Variants in AP3B2 observed in about 807,000 individuals in gnomAD.
AP3B2 encodes adaptor related protein complex 3 subunit beta 2.
In AP3B2, 50 loss-of-function variants were observed where a neutral mutation model predicts 126.9. That is an observed-to-expected ratio of 0.39 (90% CI 0.31 to 0.50). AP3B2 has a LOEUF of 0.50. Ranked by LOEUF, AP3B2 falls within the 20% of genes least tolerant of loss-of-function variation. The pLI, the probability that AP3B2 is intolerant of heterozygous loss-of-function variation, is 0.79. For missense variants in AP3B2, 1,177 were observed against 1,426.4 expected, an observed-to-expected ratio of 0.83 and a Z score of 2.82; for synonymous variants, 541 against 565.0, an observed-to-expected ratio of 0.96 and a Z score of 0.60.
In AP3B2 at chr15:82,664,786, C is replaced by T. The variant is rs1460811744; in HGVS notation, c.2137+49G>A. 2 of 1,402,702 alleles carry T rather than the reference C, an allele frequency of 1.4e-6. No individual in the cohort carries two copies. The highest frequency in any genetic ancestry group is 2.0e-6 in the Non-Finnish European group (2 of 1,012,308). 86.9% of individuals were successfully genotyped at this position (1,402,702 alleles called of 1,614,324 possible). ...TATACCCCTCATATAGTCAGTCACACAGATGCATGGGCAGAGCACAGAGGA... is the reference window on the plus strand; with the variant it reads ...TATACCCCTCATATAGTCAGTCACATAGATGCATGGGCAGAGCACAGAGGA... On this transcript the variant is annotated intron_variant, in intron 18 of 26. Transcript: ENST00000535359. This position sits in a 1 kb window ranked among gnomAD's most constrained non-coding sequence, Gnocchi z 4.5.
chr15:82,697,721 T>A (rs1375564313), intron 1 of AP3B2: 1 of 152,392 alleles, frequency 6.6e-6, no homozygotes, highest in East Asian at 1.9e-4. Context: ...CTATCTGTCA[T>A]GTGAGGACAG....
intron 4 of AP3B2, among the ~76,000 whole-genome samples, chr15:82,683,047 G>GTGTTTTTTTTT (rs2048368298): frequency 1.3e-5 from 1 of 77,716 alleles, no homozygotes; most frequent in African/African-American, 4.5e-5. Context: ...TGCACCAGGA[G>GTGTTTTTTTTT]TTTTTTTTTT....
At chr15:82,706,863 A>T (rs1468827479) in intron 1 of AP3B2, among the ~76,000 whole-genome samples, 2 of 150,542 alleles carry the variant, frequency 1.3e-5, no homozygotes, top group African/African-American at 2.4e-5. Context: ...CTATTCTACT[A>T]CTCCTCAGGG....
intron 14 of AP3B2, among the ~76,000 whole-genome samples, chr15:82,674,366 T>G (rs1376927581): frequency 2.0e-5 from 3 of 152,080 alleles, no homozygotes; most frequent in Admixed American, 1.3e-4. Context: ...AGGACAAAAA[T>G]CTTTATTGAA....
intron 1 of AP3B2, among the ~76,000 whole-genome samples, chr15:82,696,791 G>T (rs2151457200): frequency 6.6e-6 from 1 of 152,272 alleles, no homozygotes; most frequent in Non-Finnish European, 1.5e-5. Flanking sequence ...ATACTCAGAG[G>T]ATGCAGAACT....
At position 82,663,907 on chromosome 15, in the gene AP3B2, G is replaced by A. The variant is rs777224084; in HGVS notation, c.2330C>T (p.Ser777Leu). The A allele has an allele frequency of 7.4e-6, 12 of 1,612,862 alleles. No individual in the cohort carries two copies. Among genetic ancestry groups the A allele is most frequent in the Admixed American group, 1.7e-5 (1 of 59,986 alleles). ...GGAATCGCTGCCCTCATCAGAGGAT[G>A]ACGCTTCTCCTTTTCTCTCTGGCAC... is the stretch of plus-strand genomic sequence containing the variant. ...KKVPERKGEASSSDEGSDSSS... is the reference protein window; with the variant it reads ...KKVPERKGEALSSDEGSDSSS... Residue 777 changes from serine (S) to leucine (L), a missense_variant, in exon 20 of 27, where the codon TCA (serine) becomes TTA (leucine). Transcript: ENST00000535359.
At chr15:82,700,897 G>A (rs561175721) in intron 1 of AP3B2, among the ~76,000 whole-genome samples, 3 of 149,960 alleles carry the variant, frequency 2.0e-5, no homozygotes, top group South Asian at 2.1e-4. Flanking sequence ...GTCTCACTCC[G>A]TTGCCCAGGC....
chr15:82,671,420 G>C (rs2048156097), intron 14 of AP3B2, among the ~76,000 whole-genome samples: 1 of 152,138 alleles, frequency 6.6e-6, no homozygotes, highest in Admixed American at 6.6e-5. Context: ...GAAATGTCTG[G>C]AGAACAGTTT....
At chr15:82,697,874 A>G (rs1470676068) in intron 1 of AP3B2, 1 of 152,406 alleles carries the variant, frequency 6.6e-6, no homozygotes, top group African/African-American at 2.4e-5. Context: ...AACACAGACC[A>G]GACTGTTGAG....
intron 1 of AP3B2, among the ~76,000 whole-genome samples, chr15:82,707,920 T>C (rs919022162): frequency 2.0e-5 from 3 of 152,216 alleles, no homozygotes; most frequent in Admixed American, 2.0e-4. Context: ...TTCAAGGCTA[T>C]GGAGAAGCAG....
In AP3B2 at chr15:82,665,723, C is replaced by A; in HGVS notation, c.1853-148G>T. On this transcript the variant is annotated intron_variant, in intron 15 of 26. Transcript: ENST00000535359. The surrounding 1 kb of genome is among the most constrained non-coding windows in gnomAD (Gnocchi z 4.4). The stretch of plus-strand genomic sequence containing the variant: ...TGGATGTGTGCCCTAATGGCTCTTC[C>A]ACCCTGACTGCACCTTTAGGCCCAC... 1.6e-6 allele frequency: 1 copy of A among 639,666 alleles called. No individual in the cohort carries two copies. Among genetic ancestry groups the A allele is most frequent in the Admixed American group, 2.7e-5 (1 of 36,516 alleles). 39.6% of individuals were successfully genotyped at this position (639,666 alleles called of 1,614,324 possible).
Position 82,692,059 on chromosome 15 carries a change from G to C in AP3B2, c.114-2606C>G, listed in dbSNP as rs547939605. 11 of 1,489,480 alleles carry C rather than the reference G, an allele frequency of 7.4e-6. No homozygotes were observed. The East Asian group carries it at 1.8e-4, about 25-fold the overall frequency. 92.3% of individuals were successfully genotyped at this position (1,489,480 alleles called of 1,614,324 possible). A position where few individuals can be genotyped will look rare whatever the true frequency, so the allele number is the denominator to read the frequency against. ...TCCTGAAACAAGAACTCGGAAATCA[G>C]ATCTTCTTGCAGAAGGCCCATTCCT... On this transcript the variant is annotated intron_variant, in intron 1 of 26. Transcript: ENST00000535359.
chr15:82,662,113 T>TA (rs1171913148), intron 24 of AP3B2, 55 bp downstream of exon 24: 1 of 1,502,802 alleles, frequency 6.7e-7, no homozygotes, highest in Non-Finnish European at 9.1e-7. Flanking sequence ...AGTTCATTGT[T>TA]ACCCTGTCCC....
At position 82,678,171 on chromosome 15, in the gene AP3B2, C is replaced by T. The variant is rs2048275943; in HGVS notation, c.1183-4G>A. On this transcript the variant is annotated splice_region_variant and splice_polypyrimidine_tract_variant and intron_variant, in intron 10 of 26. Coordinates refer to ENST00000535359, the MANE Select transcript of AP3B2 (RefSeq NM_001278512.2). ...CCAGGTTGGTCAGCACTTCCAGCTG[C>T]AGGGAGGGTTGGAGAGGCAGAAAAT... The T allele has an allele frequency of 6.2e-7, 1 of 1,613,806 alleles. No homozygotes were observed. Among genetic ancestry groups the T allele is most frequent in the Non-Finnish European group, 8.5e-7 (1 of 1,179,844 alleles).
intron 1 of AP3B2, chr15:82,691,654 A>C: frequency 8.5e-7 from 1 of 1,172,544 alleles, no homozygotes; most frequent in Non-Finnish European, 1.1e-6. Flanking sequence ...CTCAATCTGG[A>C]ATGCAGATTC....
intron 1 of AP3B2, among the ~76,000 whole-genome samples, chr15:82,705,302 T>C (rs2048779646): frequency 6.6e-6 from 1 of 152,188 alleles, no homozygotes; most frequent in Admixed American, 6.5e-5. Flanking sequence ...CAGCATGGCC[T>C]TTTAAAGCCT....
rs928529726 is a variant in AP3B2 at position 82,680,110 on chromosome 15, A to G, written c.1110+65T>C. 133 of 1,601,274 alleles carry G rather than the reference A, an allele frequency of 8.3e-5. No homozygotes were observed. Among genetic ancestry groups the G allele is most frequent in the Non-Finnish European group, 1.1e-4 (126 of 1,173,082 alleles). On this transcript the variant is annotated intron_variant, in intron 9 of 26. Transcript: ENST00000535359. The surrounding 1 kb of genome is among the most constrained non-coding windows in gnomAD (Gnocchi z 6.1). ...CCCCGGCCCCGGTCCCAGCCCCGACAACGCCTCCAGTGCCCGCAGAAGCGG... is the reference window on the plus strand; with the variant it reads ...CCCCGGCCCCGGTCCCAGCCCCGACGACGCCTCCAGTGCCCGCAGAAGCGG...
At chr15:82,667,332 T>G (rs1344879445) in intron 14 of AP3B2, among the ~76,000 whole-genome samples, 2 of 152,180 alleles carry the variant, frequency 1.3e-5, no homozygotes, top group African/African-American at 4.8e-5. Flanking sequence ...GTTTCCAGGC[T>G]CCACCACCCA....
chr15:82,662,842 G>GGTGTAGTCCAC lies in AP3B2; in HGVS notation c.2674_2684dup (p.Phe896TrpfsTer65). ...CCCCGGAGAAAGGTTGGCGGCTGAAGGTGTAGTCCACAGCCAGCCCCTCGC... is the reference window on the plus strand; with the variant it reads ...CCCCGGAGAAAGGTTGGCGGCTGAAGGTGTAGTCCACGTGTAGTCCACAGCCAGCCCCTCGC... On this transcript the variant is annotated frameshift_variant, in exon 23 of 27. Coordinates refer to ENST00000535359, the MANE Select transcript of AP3B2 (RefSeq NM_001278512.2). LOFTEE classifies it high-confidence loss of function. 1 of 1,613,708 alleles carries GGTGTAGTCCAC rather than the reference G, an allele frequency of 6.2e-7. No homozygotes were observed. The highest frequency in any genetic ancestry group is 8.5e-7 in the Non-Finnish European group (1 of 1,179,784).
Sources: allele counts gnomAD v4.1 joint callset (sites outside exome capture counted in the v4.1 genomes callset), GRCh38; gene constraint gnomAD v4.1.1; non-coding constraint Gnocchi (gnomAD v3.1); transcripts MANE v1.5; gene names NCBI Gene and HGNC (gene_info 2026-07-23, HGNC 2026-07-21).